Variants in ESRP1 observed in about 807,000 individuals in gnomAD.
ESRP1 encodes the protein RNA-binding motif protein 35A.
Under a neutral mutation model 81.7 loss-of-function variants are expected in ESRP1, and 33 were observed. That is an observed-to-expected ratio of 0.40 (90% CI 0.31 to 0.54). The LOEUF is 0.54. ESRP1 is among the 20% of genes least tolerant of loss of function. ESRP1 has a pLI of 0.41. For missense variants in ESRP1, 672 were observed against 833.1 expected, an observed-to-expected ratio of 0.81 and a Z score of 2.38; for synonymous variants, 320 against 303.3, an observed-to-expected ratio of 1.06 and a Z score of -0.57.
intron 15 of ESRP1, 148 bp downstream of exon 15, chr8:94,697,109 T>C: frequency 1.7e-6 from 1 of 596,800 alleles, no homozygotes; most frequent in Non-Finnish European, 2.8e-6. Context: ...GAGACTAGAA[T>C]TAAGTTTGTC....
chr8:94,645,221 T>C (rs1817784500), intron 3 of ESRP1, among the ~76,000 whole-genome samples: 1 of 152,156 alleles, frequency 6.6e-6, no homozygotes, highest in Non-Finnish European at 1.5e-5. Flanking sequence ...TCACATCTAG[T>C]AAAATCCAAT....
intron 13 of ESRP1, among the ~76,000 whole-genome samples, chr8:94,680,027 T>C (rs1446426688): frequency 6.6e-6 from 1 of 152,222 alleles, no homozygotes; most frequent in Admixed American, 6.5e-5. Context: ...TTTAAATACT[T>C]GATTTTCTCT....
chr8:94,678,512 C>T, intron 13 of ESRP1, 141 bp downstream of exon 13: 2 of 971,938 alleles, frequency 2.1e-6, no homozygotes, highest in South Asian at 3.6e-5. Context: ...TATCTCTGAC[C>T]AAGAAGGTTG....
At chr8:94,674,236 T>G in intron 11 of ESRP1, 72 bp from the exon 12 acceptor site, 1 of 1,520,316 alleles carries the variant, frequency 6.6e-7, no homozygotes, top group Non-Finnish European at 9.0e-7. Flanking sequence ...ACTTTGCATG[T>G]TTTGTAAGCA....
chr8:94,680,050 CT>C (rs1245552673), intron 13 of ESRP1, among the ~76,000 whole-genome samples: 1 of 152,066 alleles, frequency 6.6e-6, no homozygotes, highest in Non-Finnish European at 1.5e-5. Context: ...CTTTCTCAAA[CT>C]TTTTTTCCCT....
chr8:94,688,580 C>T, intron 13 of ESRP1: 1 of 206,748 alleles, frequency 4.8e-6, no homozygotes, highest in Admixed American at 5.0e-5. Context: ...GATGAAAACA[C>T]ACATGAGGGA....
chr8:94,692,914 T>C, intron 14 of ESRP1, 87 bp downstream of exon 14: 1 of 1,392,724 alleles, frequency 7.2e-7, no homozygotes, highest in Non-Finnish European at 9.8e-7. Context: ...AGAAACAGAT[T>C]CTATGAAACT....
At chr8:94,653,268 G>T (rs1818237213) in intron 4 of ESRP1, among the ~76,000 whole-genome samples, 1 of 152,180 alleles carries the variant, frequency 6.6e-6, no homozygotes, top group Non-Finnish European at 1.5e-5. Context: ...TCTATTATCA[G>T]TGTGTGACAT....
chr8:94,649,741 G>C (rs1818019710), intron 4 of ESRP1: 1 of 152,176 alleles, frequency 6.6e-6, no homozygotes, highest in South Asian at 2.1e-4. Context: ...TCCAACTCTT[G>C]AGCTCAAGTT....
At chr8:94,651,029 G>T (rs890519973) in intron 4 of ESRP1, among the ~76,000 whole-genome samples, 1 of 152,018 alleles carries the variant, frequency 6.6e-6, no homozygotes, top group African/African-American at 2.4e-5. Context: ...ATTTTGGTAA[G>T]TACCAAGGAG....
rs1483278107 is a variant in ESRP1 at position 94,667,939 on chromosome 8, T to C, written c.932-10T>C. The stretch of plus-strand genomic sequence containing the variant: ...TTCTCTCCCTGCTTCCTAATATTTG[T>C]TTTCCCTAGGTACTTCCAATGAGGT... On this transcript the variant is annotated splice_polypyrimidine_tract_variant and intron_variant, in intron 9 of 15. Coordinates refer to ENST00000433389, the MANE Select transcript of ESRP1 (RefSeq NM_017697.4). 1 of 1,546,110 alleles carries C rather than the reference T, an allele frequency of 6.5e-7. No homozygotes were observed. Among genetic ancestry groups the C allele is most frequent in the South Asian group, 1.2e-5 (1 of 80,434 alleles).
chr8:94,703,153 TTTGTTGTTGTTG>T (rs143247522), intron 15 of ESRP1, among the ~76,000 whole-genome samples: 1 of 148,478 alleles, frequency 6.7e-6, no homozygotes, highest in Non-Finnish European at 1.5e-5. Context: ...GCAGTTTCTT[TTTGTTGTTGTTG>T]TTGTTGTTGA....
intron 4 of ESRP1, among the ~76,000 whole-genome samples, chr8:94,651,105 G>C (rs1818102490): frequency 6.6e-6 from 1 of 151,998 alleles, no homozygotes; most frequent in East Asian, 1.9e-4. Flanking sequence ...TTGTGTTTAA[G>C]GCAGACTTTT....
intron 13 of ESRP1, among the ~76,000 whole-genome samples, chr8:94,679,953 T>G (rs919679100): frequency 1.3e-5 from 2 of 151,942 alleles, no homozygotes; most frequent in South Asian, 4.1e-4. Context: ...AGTAAAAATA[T>G]AATTTAAGTT....
Position 94,678,386 on chromosome 8 carries a change from G to T in ESRP1, c.1820+15G>T, listed in dbSNP as rs770535432. 2.7e-5 allele frequency: 44 copies of T among 1,605,480 alleles called. No individual in the cohort carries two copies. The highest frequency in any genetic ancestry group is 4.0e-5 in the African/African-American group (3 of 74,690). ...TACTATCCCAGGTAAGGCTCTGACA[G>T]AGGTGGAAATGAGGGGCAGAAACAA... On this transcript the variant is annotated intron_variant, in intron 13 of 15. Coordinates refer to ENST00000433389, the MANE Select transcript of ESRP1 (RefSeq NM_017697.4).
intron 4 of ESRP1, among the ~76,000 whole-genome samples, chr8:94,656,365 C>T (rs1258890236): frequency 6.6e-6 from 1 of 152,186 alleles, no homozygotes; most frequent in Non-Finnish European, 1.5e-5. Flanking sequence ...ACTACAGGCG[C>T]GTGCCACCAC....
At chr8:94,654,821 C>T (rs1358422182) in intron 4 of ESRP1, among the ~76,000 whole-genome samples, 1 of 151,402 alleles carries the variant, frequency 6.6e-6, no homozygotes, top group Non-Finnish European at 1.5e-5. Flanking sequence ...GTCCATGCTA[C>T]TTGGGAGGCT....
intron 3 of ESRP1, among the ~76,000 whole-genome samples, chr8:94,644,630 C>T (rs1043818393): frequency 2.6e-5 from 4 of 152,144 alleles, no homozygotes; most frequent in Non-Finnish European, 5.9e-5. Flanking sequence ...AAGACTTAAT[C>T]TTTTCCCTGT....
intron 10 of ESRP1, 191 bp downstream of exon 10, chr8:94,668,441 C>A (rs1819133089): frequency 1.0e-5 from 5 of 476,206 alleles, no homozygotes; most frequent in Middle Eastern, 5.6e-4. Context: ...ACAACACATA[C>A]TACGTATTTT....
Sources: gnomAD v4.1 joint callset for allele counts (sites outside exome capture counted in the v4.1 genomes callset) on GRCh38, gnomAD v4.1.1 for gene constraint, MANE v1.5 for transcripts, NCBI Gene and HGNC (gene_info 2026-07-23, HGNC 2026-07-21) for gene names.